CTNNA3: variants seen among roughly 807,000 people sequenced by gnomAD.
The protein encoded by CTNNA3 is catenin alpha-3.
CTNNA3 carries 76 observed loss-of-function variants against 95.7 expected under a neutral mutation model. That is an observed-to-expected ratio of 0.79 (90% CI 0.66 to 0.96). The LOEUF is 0.96. CTNNA3 is among the 40% of genes least tolerant of loss of function. CTNNA3 has a pLI of 0.00. For synonymous variants in CTNNA3, 431 were observed against 374.4 expected, an observed-to-expected ratio of 1.15 and a Z score of -1.74; for missense variants, 1,191 against 1,089.8, an observed-to-expected ratio of 1.09 and a Z score of -1.31.
intron 7 of CTNNA3, among the ~76,000 whole-genome samples, chr10:66,992,993 A>G (rs921590944): frequency 3.3e-5 from 5 of 152,142 alleles, no homozygotes; most frequent in African/African-American, 1.2e-4. Context: ...TATTGCTGCA[A>G]AACAAAACAG....
intron 5 of CTNNA3, among the ~76,000 whole-genome samples, chr10:67,409,842 A>C (rs2132834938): frequency 6.6e-6 from 1 of 152,316 alleles, no homozygotes; most frequent in East Asian, 1.9e-4. Context: ...CTACTGTTAA[A>C]AAGTCAAAAA....
chr10:66,745,798 A>C, intron 9 of CTNNA3, among the ~76,000 whole-genome samples: 2 of 142,472 alleles, frequency 1.4e-5, no homozygotes, highest in Admixed American at 7.2e-5. Context: ...ATGGAGTTTC[A>C]CTGTGTTAGC....
At chr10:67,037,796 T>TA (rs1293731039) in intron 7 of CTNNA3, among the ~76,000 whole-genome samples, 1 of 152,174 alleles carries the variant, frequency 6.6e-6, no homozygotes, top group Non-Finnish European at 1.5e-5. Context: ...GGATGGTAGT[T>TA]ACAGTCAGTG....
rs554726299 is a variant in CTNNA3 at position 66,896,532 on chromosome 10, A to T, written c.1048-121008T>A. Among the ~76,000 whole-genome samples the T allele has an allele frequency of 8.9e-4, 136 of 152,358 alleles. No individual in the cohort carries two copies. In the Middle Eastern group the frequency reaches 0.014, roughly 15 times the overall value. Reference sequence around the variant, plus strand: ...ATATTTAAGAACCTGACTGACAGTAACATGGACTACAGATCATTTCTTAAA... The same window carrying T: ...ATATTTAAGAACCTGACTGACAGTATCATGGACTACAGATCATTTCTTAAA... On this transcript the variant is annotated intron_variant, in intron 7 of 17. Transcript: ENST00000433211.
intron 7 of CTNNA3, among the ~76,000 whole-genome samples, chr10:67,087,176 C>T (rs554971236): frequency 5.3e-5 from 8 of 152,102 alleles, no homozygotes; most frequent in African/African-American, 1.9e-4. Context: ...CACTTTGGGG[C>T]ATTTTGCTTT....
chr10:66,024,455 T>C (rs954776063), intron 15 of CTNNA3, among the ~76,000 whole-genome samples: 2 of 152,208 alleles, frequency 1.3e-5, no homozygotes, highest in Non-Finnish European at 2.9e-5. Flanking sequence ...AGATTGATAA[T>C]GGTTTGAAAA....
At chr10:66,779,523 A>ATT (rs59453549) in intron 7 of CTNNA3, among the ~76,000 whole-genome samples, 2 of 146,162 alleles carry the variant, frequency 1.4e-5, no homozygotes, top group Admixed American at 1.4e-4. Flanking sequence ...TGCCTGGCTT[A>ATT]TTTTTTTTTT....
intron 14 of CTNNA3, among the ~76,000 whole-genome samples, chr10:66,091,530 G>A (rs1331646586): frequency 2.0e-5 from 3 of 151,484 alleles, no homozygotes; most frequent in African/African-American, 7.3e-5. Flanking sequence ...AATACATCAT[G>A]GGAAAAAAAA....
chr10:66,202,761 A>G (rs544650625), intron 13 of CTNNA3, among the ~76,000 whole-genome samples: 3 of 152,274 alleles, frequency 2.0e-5, no homozygotes, highest in African/African-American at 4.8e-5. Context: ...CTCTTCTACC[A>G]TACTACTTCT....
At chr10:66,561,189 A>T (rs1327983476) in intron 10 of CTNNA3, among the ~76,000 whole-genome samples, 2 of 152,162 alleles carry the variant, frequency 1.3e-5, no homozygotes, top group Non-Finnish European at 2.9e-5. Context: ...TTATCTTTTT[A>T]TCTAAAATCA....
intron 1 of CTNNA3, among the ~76,000 whole-genome samples, chr10:67,714,628 C>T (rs947100398): frequency 3.3e-5 from 5 of 152,158 alleles, no homozygotes; most frequent in African/African-American, 9.7e-5. Flanking sequence ...TGAGTTAAGA[C>T]TTCCAGGGAC....
chr10:67,491,042 A>G (rs77702153), intron 5 of CTNNA3, among the ~76,000 whole-genome samples: 1,563 of 151,626 alleles, frequency 0.01, 33 homozygotes, highest in African/African-American at 0.035. Context: ...TTCTAAAAAG[A>G]AAAAAAAACT....
At chr10:66,660,254 T>G (rs193046362) in intron 9 of CTNNA3, among the ~76,000 whole-genome samples, 5 of 152,156 alleles carry the variant, frequency 3.3e-5, no homozygotes, top group Non-Finnish European at 7.4e-5. Context: ...TTGCTCTATT[T>G]CTACTTGTGT....
intron 5 of CTNNA3, among the ~76,000 whole-genome samples, chr10:67,224,649 G>A (rs1039781314): frequency 3.3e-5 from 5 of 152,120 alleles, no homozygotes; most frequent in African/African-American, 1.2e-4. Context: ...CTTACCTGGA[G>A]CTGAGTCAAT....
intron 5 of CTNNA3, among the ~76,000 whole-genome samples, chr10:67,361,406 A>G (rs1842986729): frequency 6.6e-6 from 1 of 152,202 alleles, no homozygotes; most frequent in African/African-American, 2.4e-5. Context: ...ACTTTAAAGA[A>G]TGAAACATAC....
chr10:65,976,861 C>T (rs2078216640), intron 16 of CTNNA3, among the ~76,000 whole-genome samples: 1 of 151,946 alleles, frequency 6.6e-6, no homozygotes, highest in African/African-American at 2.4e-5. Context: ...CTTATACACT[C>T]TAGATATTAA....
At chr10:66,608,925 A>G in intron 10 of CTNNA3, among the ~76,000 whole-genome samples, 1 of 152,146 alleles carries the variant, frequency 6.6e-6, no homozygotes, top group Middle Eastern at 3.2e-3. Flanking sequence ...CAACAAAAGA[A>G]AAAATTGACA....
chr10:67,107,816 G>C (rs529667734), intron 7 of CTNNA3, among the ~76,000 whole-genome samples: 2 of 152,152 alleles, frequency 1.3e-5, no homozygotes, highest in South Asian at 2.1e-4. Context: ...CAGTCACACA[G>C]AGGTTCCAGT....
At chr10:67,401,954 ACAC>A (rs1470711419) in intron 5 of CTNNA3, among the ~76,000 whole-genome samples, 1 of 152,208 alleles carries the variant, frequency 6.6e-6, no homozygotes, top group Non-Finnish European at 1.5e-5. Context: ...CACTCAATTT[ACAC>A]CACAATTAAA....
Sources: allele counts gnomAD v4.1 joint callset (sites outside exome capture counted in the v4.1 genomes callset), GRCh38; gene constraint gnomAD v4.1.1; transcripts MANE v1.5; gene names NCBI Gene and HGNC (gene_info 2026-07-23, HGNC 2026-07-21).